DLGAP5: variants seen among roughly 807,000 people sequenced by gnomAD.
The protein encoded by DLGAP5 is disks large-associated protein 5.
DLGAP5 carries 90 observed loss-of-function variants against 99.6 expected under a neutral mutation model. The observed-to-expected ratio is 0.90, with a 90% CI of 0.76 to 1.08. DLGAP5 has a LOEUF of 1.08. DLGAP5 is among the 50% of genes least tolerant of loss of function. DLGAP5 has a pLI of 0.00. For synonymous variants in DLGAP5, 311 were observed against 321.3 expected (o/e 0.97, Z 0.34); for missense variants, 1,036 against 983.5 (o/e 1.05, Z -0.71).
rs377743417 is a variant in DLGAP5, at chr14:55,167,124, G to T, written c.1548+2275C>A. On this transcript the variant is annotated intron_variant, in intron 12 of 18. Coordinates refer to ENST00000247191, the MANE Select transcript of DLGAP5 (RefSeq NM_014750.5). ...CAAAAATTAGCCTGGCGTGGTGGTG[G>T]GCATCTGTAATCCCAGCTACTCGGG... Among the ~76,000 whole-genome samples, 6 of 150,878 alleles carry T rather than the reference G, an allele frequency of 4.0e-5. No homozygotes were observed. In the East Asian group the frequency reaches 5.9e-4, roughly 15 times the overall value.
At chr14:55,169,978 T>C (rs1313469351) in intron 11 of DLGAP5, among the ~76,000 whole-genome samples, 1 of 151,794 alleles carries the variant, frequency 6.6e-6, no homozygotes, top group Non-Finnish European at 1.5e-5. Context: ...CTACTAAAAA[T>C]ACAAAAATCA....
chr14:55,169,175 CAAA>C (rs34906311), intron 12 of DLGAP5, among the ~76,000 whole-genome samples: 8 of 63,898 alleles, frequency 1.3e-4, no homozygotes, highest in Middle Eastern at 9.1e-3. Context: ...GACTCCGTCT[CAAA>C]AAAAAAAAAA....
rs1883341237 is a variant in DLGAP5 at position 55,183,634 on chromosome 14, C to T, written c.358G>A (p.Val120Met). 3 of 1,611,590 alleles carry T rather than the reference C, an allele frequency of 1.9e-6. No homozygotes were observed. Among genetic ancestry groups the T allele is most frequent in the African/African-American group, 2.7e-5 (2 of 74,700 alleles). ...REKAKRGIFK[V>M]GRYRPDMPCF... The stretch of plus-strand genomic sequence containing the variant: ...GGCATATCAGGTCTATAACGACCCA[C>T]TTTAAATATTCCTCGTTTAGCTTTC... The change falls in exon 3 of 19, where the codon GTG becomes ATG. Residue 120 changes from valine to methionine, a missense_variant. Coordinates refer to ENST00000247191, the MANE Select transcript of DLGAP5 (RefSeq NM_014750.5).
chr14:55,174,991 T>G (rs1164447097), intron 10 of DLGAP5, among the ~76,000 whole-genome samples: 1 of 152,114 alleles, frequency 6.6e-6, no homozygotes, highest in Non-Finnish European at 1.5e-5. Flanking sequence ...GCCCAGCCTA[T>G]TGTCCATATT....
rs1383335533 is a variant in DLGAP5 at position 55,170,883 on chromosome 14, T to C, written c.1302-96A>G. The C allele has an allele frequency of 7.2e-6, 6 of 836,888 alleles. No individual in the cohort carries two copies. The African/African-American group carries it at 1.0e-4, about 14-fold the overall frequency. 51.8% of individuals were successfully genotyped at this position (836,888 alleles called of 1,614,324 possible). Reference sequence around the variant, plus strand: ...CATGATACATAACATTAGGAAGTTATAAAAGGGAGCCACAATATTTTCCCA... The same window carrying C: ...CATGATACATAACATTAGGAAGTTACAAAAGGGAGCCACAATATTTTCCCA... On this transcript the variant is annotated intron_variant, in intron 10 of 18. Coordinates refer to ENST00000247191, the MANE Select transcript of DLGAP5 (RefSeq NM_014750.5).
intron 10 of DLGAP5, among the ~76,000 whole-genome samples, chr14:55,173,272 C>CAA (rs34893526): frequency 1.8e-4 from 19 of 106,744 alleles, no homozygotes; most frequent in Non-Finnish European, 3.3e-4. Flanking sequence ...CCCGTCTCTA[C>CAA]AAAAAAAAAA....
chr14:55,155,911 AC>A (rs1882202076), intron 14 of DLGAP5, among the ~76,000 whole-genome samples: 1 of 150,806 alleles, frequency 6.6e-6, no homozygotes, highest in African/African-American at 2.4e-5. Context: ...ACATGGTAAA[AC>A]CCCGTCTCTA....
At chr14:55,151,246 C>G (rs1171751899) in intron 17 of DLGAP5, among the ~76,000 whole-genome samples, 2 of 152,058 alleles carry the variant, frequency 1.3e-5, no homozygotes, top group African/African-American at 4.8e-5. Context: ...TTTCCTATTG[C>G]AGAACCATCA....
chr14:55,154,617 C>T lies in DLGAP5; in HGVS notation c.2063G>A (p.Arg688Lys), dbSNP rs751345710. ...KTLFLSIPESRSSIEDAQCPG... is the reference protein window; with the variant it reads ...KTLFLSIPESKSSIEDAQCPG... ...TCTTATTAACATGTTAAAGAAATAC[C>T]TGCTTTCAGGAATACTCAAAAACAA... Residue 688 changes from arginine to lysine, a missense_variant and splice_region_variant, in exon 15 of 19, where the codon AGG becomes AAG. Coordinates refer to ENST00000247191, the MANE Select transcript of DLGAP5 (RefSeq NM_014750.5). 1.9e-6 allele frequency: 3 copies of T among 1,612,770 alleles called. No homozygotes were observed. The South Asian group carries it at 3.3e-5, about 18-fold the overall frequency.
In DLGAP5 at chr14:55,154,674, T is replaced by C. The variant is rs1403371937; in HGVS notation, c.2006A>G (p.Gln669Arg). The C allele has an allele frequency of 2.5e-6, 4 of 1,614,170 alleles. No individual in the cohort carries two copies. The highest frequency in any genetic ancestry group is 1.7e-6 in the Non-Finnish European group (2 of 1,180,006). ...CTTCACATGTTCACTTTTCGTATTC[T>C]GAGGACCGGCATTTTCTGGTGATGT... Reference protein sequence around the residue: ...QTTSPENAGPQNTKSEHVKKT... With the variant: ...QTTSPENAGPRNTKSEHVKKT... Residue 669 changes from glutamine (Q) to arginine (R), a missense_variant, in exon 15 of 19, where the codon CAG becomes CGG. Coordinates refer to ENST00000247191, the MANE Select transcript of DLGAP5 (RefSeq NM_014750.5).
At position 55,190,289 on chromosome 14, in the gene DLGAP5, TACAC is replaced by T. The variant is rs142940996; in HGVS notation, c.-1-1113_-1-1110del. On this transcript the variant is annotated intron_variant, in intron 1 of 18. Transcript: ENST00000247191. ...TATAAATTTTAAAAAAGAAAAGCCA[TACAC>T]ACACACACACACACACACACACGCA... is the stretch of plus-strand genomic sequence containing the variant. Among the ~76,000 whole-genome samples, 23 of 147,408 alleles carry T rather than the reference TACAC, an allele frequency of 1.6e-4. 1 individual carries two copies. Among genetic ancestry groups the T allele is most frequent in the Middle Eastern group, 3.5e-3 (1 of 286 alleles).
In DLGAP5 at chr14:55,183,664, T is replaced by C. The variant is rs546431301; in HGVS notation, c.328A>G (p.Arg110Gly). Residue 110 changes from arginine (R) to glycine (G), a missense_variant, in exon 3 of 19, where the codon AGA (arginine) becomes GGA (glycine). Physicochemically the swap from Arg to Gly is moderately radical, Grantham distance 125. Coordinates refer to ENST00000247191, the MANE Select transcript of DLGAP5 (RefSeq NM_014750.5). ...AATATTCCTCGTTTAGCTTTCTCTC[T>C]CTGCTCTTTCAATTTTTGAAGTTGC... ...EKQLQKLKEQ[R>G]EKAKRGIFKV... The C allele has an allele frequency of 1.9e-6, 3 of 1,612,864 alleles. No homozygotes were observed. Among genetic ancestry groups the C allele is most frequent in the Admixed American group, 1.7e-5 (1 of 59,744 alleles).
intron 10 of DLGAP5, among the ~76,000 whole-genome samples, chr14:55,174,341 G>T (rs1882981405): frequency 6.6e-6 from 1 of 152,190 alleles, no homozygotes; most frequent in African/African-American, 2.4e-5. Flanking sequence ...CAATGACAAT[G>T]GTGCCCGAAA....
At chr14:55,190,310 A>ACACACACACACG (rs1883569068) in intron 1 of DLGAP5, among the ~76,000 whole-genome samples, 1 of 151,994 alleles carries the variant, frequency 6.6e-6, no homozygotes, top group African/African-American at 2.4e-5. Flanking sequence ...ACACACACAC[A>ACACACACACACG]CACACGCACA....
intron 4 of DLGAP5, 48 bp from the exon 5 acceptor site, chr14:55,181,345 G>A (rs1445801871): frequency 6.9e-7 from 1 of 1,459,360 alleles, no homozygotes; most frequent in Non-Finnish European, 9.5e-7. Flanking sequence ...TAATGAATCA[G>A]ACCATCATAT....
chr14:55,164,644 G>A (rs1040790426), intron 12 of DLGAP5, among the ~76,000 whole-genome samples: 10 of 151,884 alleles, frequency 6.6e-5, no homozygotes, highest in Admixed American at 2.6e-4. Flanking sequence ...AAAAATGGCC[G>A]GGTGCAGTGG....
At chr14:55,157,070 T>C (rs1882237408) in intron 14 of DLGAP5, among the ~76,000 whole-genome samples, 1 of 152,208 alleles carries the variant, frequency 6.6e-6, no homozygotes, top group Non-Finnish European at 1.5e-5. Flanking sequence ...TCCAAAAGAC[T>C]CCAGTAAGAA....
intron 14 of DLGAP5, among the ~76,000 whole-genome samples, chr14:55,156,482 A>G (rs1426722533): frequency 2.0e-5 from 3 of 152,250 alleles, no homozygotes; most frequent in Non-Finnish European, 4.4e-5. Context: ...AAGCAGATGG[A>G]AAGCATCTTC....
At chr14:55,166,899 C>T (rs1236876649) in intron 12 of DLGAP5, among the ~76,000 whole-genome samples, 2 of 149,472 alleles carry the variant, frequency 1.3e-5, no homozygotes, top group African/African-American at 2.5e-5. Flanking sequence ...AAAAAAAGTG[C>T]CCCAATGGCC....
Sources: gnomAD v4.1 joint callset for allele counts (sites outside exome capture counted in the v4.1 genomes callset) on GRCh38, gnomAD v4.1.1 for gene constraint, MANE v1.5 for transcripts, NCBI Gene and HGNC (gene_info 2026-07-23, HGNC 2026-07-21) for gene names.